AVEN: variants seen among roughly 807,000 people sequenced by gnomAD.
AVEN encodes cell death regulator Aven.
In AVEN, 41 loss-of-function variants were observed where a neutral mutation model predicts 38.1. The ratio of observed to expected loss-of-function variants is 1.08; its 90% CI spans 0.84 to 1.40. AVEN has a LOEUF of 1.40. Among genes scored for constraint, AVEN ranks in the 40% most tolerant of loss-of-function variants. The probability of loss-of-function intolerance (pLI) is 0.00; values close to 1 mark genes in which losing one functional copy is unlikely to be tolerated. For synonymous variants in AVEN, 206 were observed against 171.8 expected (o/e 1.20, Z -1.56); for missense variants, 605 against 438.8 (o/e 1.38, Z -3.38).
intron 1 of AVEN, among the ~76,000 whole-genome samples, chr15:34,007,337 CATG>C (rs1322436965): frequency 6.6e-6 from 1 of 152,166 alleles, no homozygotes; most frequent in African/African-American, 2.4e-5. Context: ...TAAGAATTGT[CATG>C]ATAACTCCAT....
At chr15:33,970,896 C>A (rs1281680082) in intron 2 of AVEN, among the ~76,000 whole-genome samples, 3 of 151,876 alleles carry the variant, frequency 2.0e-5, no homozygotes, top group Non-Finnish European at 4.4e-5. Flanking sequence ...CTTGCTCCAC[C>A]CCAATTTGGT....
chr15:33,857,995 T>C (rs1451931651), downstream of AVEN: 1 of 1,567,654 alleles, frequency 6.4e-7, no homozygotes, highest in East Asian at 2.3e-5. Flanking sequence ...AGAAGGGCTG[T>C]GTGGGGGTGC....
intron 2 of AVEN, among the ~76,000 whole-genome samples, chr15:33,944,633 C>A (rs1211874241): frequency 1.3e-5 from 2 of 152,050 alleles, no homozygotes. Context: ...CATGGTGAAA[C>A]CCCGTCTCTA....
At chr15:33,917,029 A>G (rs925202638) in intron 2 of AVEN, among the ~76,000 whole-genome samples, 3 of 152,094 alleles carry the variant, frequency 2.0e-5, no homozygotes, top group African/African-American at 7.2e-5. Context: ...AACTGCCCCC[A>G]TGATTAGATT....
At chr15:33,862,599 TAAGTCA>T (rs1888715662), downstream of AVEN, among the ~76,000 whole-genome samples, 1 of 152,134 alleles carries the variant, frequency 6.6e-6, no homozygotes, top group Admixed American at 6.5e-5. Flanking sequence ...GGGATGAGTT[TAAGTCA>T]AAAACATGAG....
chr15:34,001,397 C>T (rs1308988447), intron 2 of AVEN, among the ~76,000 whole-genome samples: 2 of 152,162 alleles, frequency 1.3e-5, no homozygotes, highest in East Asian at 3.8e-4. Flanking sequence ...ACTGACTACA[C>T]AACTGATTGA....
chr15:34,058,315 C>T (rs1371026405), intron 5 of AVEN, among the ~76,000 whole-genome samples: 1 of 152,102 alleles, frequency 6.6e-6, no homozygotes, highest in East Asian at 1.9e-4. Flanking sequence ...AACCATCACA[C>T]TATTGATAAA....
intron 5 of AVEN, among the ~76,000 whole-genome samples, chr15:34,059,578 C>T (rs1900269652): frequency 6.6e-6 from 1 of 152,152 alleles, no homozygotes; most frequent in East Asian, 1.9e-4. Flanking sequence ...TCCAGTTTCA[C>T]CTTTCACTTC....
chr15:33,888,539 T>C (rs1891800875), intron 2 of AVEN, among the ~76,000 whole-genome samples: 3 of 152,118 alleles, frequency 2.0e-5, no homozygotes, highest in South Asian at 4.1e-4. Flanking sequence ...GTGAACAAGG[T>C]AAAGATAAGG....
chr15:34,027,766 A>C (rs565572848), intron 1 of AVEN, among the ~76,000 whole-genome samples: 8 of 152,104 alleles, frequency 5.3e-5, no homozygotes, highest in African/African-American at 1.4e-4. Flanking sequence ...GTTTGTCAAA[A>C]ACAATCAGCA....
At chr15:33,880,890 T>C (rs1411837942) in intron 2 of AVEN, among the ~76,000 whole-genome samples, 2 of 152,060 alleles carry the variant, frequency 1.3e-5, no homozygotes, top group African/African-American at 2.4e-5. Flanking sequence ...ATGACATCCA[T>C]GAAGGCATCT....
chr15:33,977,848 G>T (rs1236845632), intron 2 of AVEN, among the ~76,000 whole-genome samples: 8 of 152,006 alleles, frequency 5.3e-5, no homozygotes, highest in East Asian at 3.9e-4. Flanking sequence ...AAGGCAGGAG[G>T]ATTGCTTGAG....
At chr15:33,966,203 T>C (rs1895376139) in intron 2 of AVEN, among the ~76,000 whole-genome samples, 1 of 152,190 alleles carries the variant, frequency 6.6e-6, no homozygotes, top group African/African-American at 2.4e-5. Context: ...TTGCAAAGTG[T>C]TCTCCTATGT....
chr15:33,898,794 A>C (rs181117406), intron 2 of AVEN, among the ~76,000 whole-genome samples: 43 of 152,310 alleles, frequency 2.8e-4, no homozygotes, highest in African/African-American at 1.0e-3. Flanking sequence ...CAAGACAAAA[A>C]CATGACAAAT....
chr15:33,862,753 G>C (rs961643526), downstream of AVEN, among the ~76,000 whole-genome samples: 2 of 152,080 alleles, frequency 1.3e-5, no homozygotes, highest in Non-Finnish European at 2.9e-5. Flanking sequence ...TGGGACTACA[G>C]GCACCTGCCA....
Position 33,941,747 on chromosome 15 carries a change from A to G in AVEN, c.445+61285T>C, listed in dbSNP as rs180918437. On this transcript the variant is annotated intron_variant, in intron 2 of 5. Transcript: ENST00000306730. ...TTAAAAACAAAAAAAAATAGAACTT[A>G]TGGGACAATAGTCTTACACTCCTCA... Among the ~76,000 whole-genome samples the G allele has an allele frequency of 1.9e-4, 29 of 152,324 alleles. No homozygotes were observed. The East Asian group carries it at 4.6e-3, about 24-fold the overall frequency.
At chr15:33,897,594 G>A (rs1445555774) in intron 2 of AVEN, among the ~76,000 whole-genome samples, 4 of 152,022 alleles carry the variant, frequency 2.6e-5, no homozygotes, top group Non-Finnish European at 5.9e-5. Flanking sequence ...TTAAACAACA[G>A]CTGCCAGGCC....
chr15:33,962,246 T>C (rs961710868), intron 2 of AVEN, among the ~76,000 whole-genome samples: 3 of 152,190 alleles, frequency 2.0e-5, no homozygotes, highest in Admixed American at 1.3e-4. Context: ...CATATGTCAA[T>C]TGTAAAGTAT....
chr15:33,880,021 A>G (rs374723723), intron 2 of AVEN, among the ~76,000 whole-genome samples: 1 of 152,208 alleles, frequency 6.6e-6, no homozygotes. Context: ...ATGTGAATAT[A>G]TAATAGCACC....
Sources: allele counts gnomAD v4.1 joint callset (sites outside exome capture counted in the v4.1 genomes callset), GRCh38; gene constraint gnomAD v4.1.1; transcripts MANE v1.5; gene names NCBI Gene and HGNC (gene_info 2026-07-23, HGNC 2026-07-21).